TSPAN18: variants seen among roughly 807,000 people sequenced by gnomAD.
TSPAN18 encodes tetraspanin-18.
Under a neutral mutation model 27.3 loss-of-function variants are expected in TSPAN18, and 14 were observed. That is an observed-to-expected ratio of 0.51 (90% CI 0.34 to 0.80). The LOEUF (loss-of-function observed/expected upper bound fraction) is 0.80. Among genes scored for constraint, TSPAN18 ranks in the 30% least tolerant of loss-of-function variants. The probability of loss-of-function intolerance (pLI) is 0.01; values close to 1 mark genes in which losing one functional copy is unlikely to be tolerated. For synonymous variants in TSPAN18, 143 were observed against 136.5 expected, an observed-to-expected ratio of 1.05 and a Z score of -0.33; for missense variants, 268 against 323.9, an observed-to-expected ratio of 0.83 and a Z score of 1.32.
chr11:44,786,584 T>C (rs1037430823), intron 2 of TSPAN18, among the ~76,000 whole-genome samples: 6 of 151,236 alleles, frequency 4.0e-5, no homozygotes, highest in Non-Finnish European at 8.8e-5. Context: ...TAGGGTGATG[T>C]GGTCACTTCC....
rs59241339 is a variant in TSPAN18, at chr11:44,807,527, C to CAAA, written c.-153+43037_-153+43039dup. On this transcript the variant is annotated intron_variant, in intron 2 of 9. Transcript: ENST00000520358. The stretch of plus-strand genomic sequence containing the variant: ...TAGGCACAAGAGTGAAACTCCATCT[C>CAAA]AAAAAAAAAAAAAAAAAAAAAAAAG... Among the ~76,000 whole-genome samples, 428 of 64,130 alleles carry CAAA rather than the reference C, an allele frequency of 6.7e-3. 1 individual carries two copies. Among genetic ancestry groups the CAAA allele is most frequent in the African/African-American group, 0.016 (216 of 13,402 alleles). 42.1% of individuals were successfully genotyped at this position (64,130 alleles called of 152,430 possible).
chr11:44,766,236 G>T (rs1028717060), intron 2 of TSPAN18, among the ~76,000 whole-genome samples: 1 of 152,184 alleles, frequency 6.6e-6, no homozygotes, highest in African/African-American at 2.4e-5. Context: ...CGGCTCCCAG[G>T]GGCAGATAAA....
At chr11:44,754,483 A>C (rs188700772) in intron 1 of TSPAN18, among the ~76,000 whole-genome samples, 3 of 152,352 alleles carry the variant, frequency 2.0e-5, no homozygotes, top group Non-Finnish European at 4.4e-5. Context: ...ACCAAAGCCA[A>C]CTTCAGCACT....
At chr11:44,765,621 T>A (rs1855551869) in intron 2 of TSPAN18, among the ~76,000 whole-genome samples, 1 of 152,168 alleles carries the variant, frequency 6.6e-6, no homozygotes, top group Admixed American at 6.5e-5. Flanking sequence ...CTCAGAGAAG[T>A]TAAGTGACTT....
chr11:44,749,850 G>A (rs1199954891), intron 1 of TSPAN18, among the ~76,000 whole-genome samples: 1 of 152,008 alleles, frequency 6.6e-6, no homozygotes, highest in Non-Finnish European at 1.5e-5. Flanking sequence ...GTTAGCCAGG[G>A]TGGCCTCCAT....
intron 2 of TSPAN18, among the ~76,000 whole-genome samples, chr11:44,850,925 T>C (rs1857585046): frequency 6.6e-6 from 1 of 152,088 alleles, no homozygotes; most frequent in Admixed American, 6.5e-5. Flanking sequence ...CACTCCAGGG[T>C]TAAAGATGGT....
chr11:44,927,850 C>T (rs1357096107), intron 9 of TSPAN18, among the ~76,000 whole-genome samples: 23 of 152,280 alleles, frequency 1.5e-4, no homozygotes, highest in East Asian at 3.9e-4. Flanking sequence ...ATGGGCTGAT[C>T]ACCCTGCTCC....
At chr11:44,815,951 A>G (rs531731278) in intron 2 of TSPAN18, among the ~76,000 whole-genome samples, 5 of 152,302 alleles carry the variant, frequency 3.3e-5, no homozygotes, top group South Asian at 2.1e-4. Context: ...CTTCTCCCCA[A>G]TATATCCAGA....
Position 44,750,185 on chromosome 11 carries a change from C to T in TSPAN18, c.-239-14241C>T, listed in dbSNP as rs190144168. On this transcript the variant is annotated intron_variant, in intron 1 of 9. Coordinates refer to ENST00000520358, the MANE Select transcript of TSPAN18 (RefSeq NM_130783.5). ...TTAGAATTATTTTCATTAGCAGCAT[C>T]GTTTTCCTTTTTTATAAGAGGGCTT... is the stretch of plus-strand genomic sequence containing the variant. Among the ~76,000 whole-genome samples the T allele has an allele frequency of 4.9e-4, 74 of 152,278 alleles. 1 individual carries two copies. The East Asian group carries it at 0.014, about 28-fold the overall frequency.
chr11:44,908,800 A>AAAGG (rs1859583335), intron 4 of TSPAN18, among the ~76,000 whole-genome samples: 1 of 140,598 alleles, frequency 7.1e-6, no homozygotes, highest in African/African-American at 2.8e-5. Flanking sequence ...AGAAAGAAAG[A>AAAGG]AAGAAAGAAA....
chr11:44,732,116 C>T (rs1193153604), intron 1 of TSPAN18, among the ~76,000 whole-genome samples: 2 of 152,250 alleles, frequency 1.3e-5, no homozygotes, highest in Non-Finnish European at 2.9e-5. Context: ...GGGCCCGGTC[C>T]GTGGTCTAAA....
In TSPAN18 at chr11:44,919,214, C is replaced by G. The variant is rs754874987; in HGVS notation, c.334C>G (p.Leu112Val). 1 of 1,613,846 alleles carries G rather than the reference C, an allele frequency of 6.2e-7. No homozygotes were observed. Among genetic ancestry groups the G allele is most frequent in the South Asian group, 1.1e-5 (1 of 91,080 alleles). Residue 112 changes from leucine to valine, a missense_variant and splice_region_variant, in exon 7 of 10, where the codon CTC becomes GTC. Transcript: ENST00000520358. ...GCCCATCTTCTCCCTCTGCCCCCAG[C>G]TCACCCGAGAATTCTTCACCAAGGA... ...AILAFIFREN[L>V]TREFFTKELT...
chr11:44,895,707 C>CT (rs34129337), intron 3 of TSPAN18, among the ~76,000 whole-genome samples: 49 of 152,076 alleles, frequency 3.2e-4, no homozygotes, highest in African/African-American at 1.0e-3. Flanking sequence ...AGACATTCCC[C>CT]AGAGTTCAGC....
At chr11:44,887,762 C>A (rs1477947283) in intron 3 of TSPAN18, among the ~76,000 whole-genome samples, 1 of 152,108 alleles carries the variant, frequency 6.6e-6, no homozygotes, top group African/African-American at 2.4e-5. Context: ...CTCCCTGCAC[C>A]CTTTTCTGCT....
chr11:44,896,858 C>G (rs777474858), intron 3 of TSPAN18, among the ~76,000 whole-genome samples: 1 of 152,176 alleles, frequency 6.6e-6, no homozygotes, highest in African/African-American at 2.4e-5. Context: ...TCTGGCACAG[C>G]CCCTGGCACA....
chr11:44,911,798 C>T (rs1447952055), intron 5 of TSPAN18, among the ~76,000 whole-genome samples: 6 of 152,056 alleles, frequency 3.9e-5, no homozygotes, highest in African/African-American at 1.4e-4. Flanking sequence ...GGACGTCCTC[C>T]CTCCCGTGCT....
intron 2 of TSPAN18, among the ~76,000 whole-genome samples, chr11:44,811,925 G>A (rs550722589): frequency 1.1e-4 from 17 of 152,214 alleles, no homozygotes; most frequent in Non-Finnish European, 2.2e-4. Context: ...GGGGAGAACA[G>A]AAGGGTCAGC....
At chr11:44,813,233 G>A (rs981703158) in intron 2 of TSPAN18, among the ~76,000 whole-genome samples, 33 of 152,300 alleles carry the variant, frequency 2.2e-4, no homozygotes, top group African/African-American at 5.8e-4. Flanking sequence ...TGCCCTGTGC[G>A]CAGGAAGCCA....
intron 2 of TSPAN18, among the ~76,000 whole-genome samples, chr11:44,845,580 G>A (rs1473874154): frequency 6.6e-6 from 1 of 152,188 alleles, no homozygotes; most frequent in Non-Finnish European, 1.5e-5. Flanking sequence ...CACATAGGAG[G>A]CAACATGTGA....
Sources: gnomAD v4.1 joint callset for allele counts (sites outside exome capture counted in the v4.1 genomes callset) on GRCh38, gnomAD v4.1.1 for gene constraint, MANE v1.5 for transcripts, NCBI Gene and HGNC (gene_info 2026-07-23, HGNC 2026-07-21) for gene names.